Variants in CCSER1 observed in about 807,000 individuals in gnomAD.
CCSER1 encodes serine-rich coiled-coil domain-containing protein 1.
A neutral mutation model predicts 82.0 loss-of-function variants in CCSER1; 41 were observed. The ratio of observed to expected loss-of-function variants is 0.50; its 90% CI spans 0.39 to 0.65. The LOEUF (loss-of-function observed/expected upper bound fraction) is 0.65, where lower values mean the gene tolerates loss of function less well. Ranked by LOEUF, CCSER1 falls within the 30% of genes least tolerant of loss-of-function variation. The pLI, the probability that CCSER1 is intolerant of heterozygous loss-of-function variation, is 0.00. For missense variants in CCSER1, 1,119 were observed against 1,064.2 expected, an observed-to-expected ratio of 1.05 and a Z score of -0.72; for synonymous variants, 414 against 383.9, an observed-to-expected ratio of 1.08 and a Z score of -0.92.
chr4:91,332,726 G>C (rs1342609945), intron 10 of CCSER1, among the ~76,000 whole-genome samples: 1 of 151,972 alleles, frequency 6.6e-6, no homozygotes. Context: ...TCTGTGGAAC[G>C]TAAGGAGCTT....
intron 4 of CCSER1, among the ~76,000 whole-genome samples, chr4:90,444,531 A>G (rs1760359849): frequency 6.6e-6 from 1 of 152,018 alleles, no homozygotes; most frequent in Non-Finnish European, 1.5e-5. Context: ...CCAGTATATG[A>G]TAAGGATGCA....
chr4:90,560,214 A>G (rs1778604715), intron 5 of CCSER1, among the ~76,000 whole-genome samples: 1 of 152,072 alleles, frequency 6.6e-6, no homozygotes, highest in African/African-American at 2.4e-5. Context: ...TCTTTCGGAA[A>G]ACCAAGCGGC....
intron 5 of CCSER1, among the ~76,000 whole-genome samples, chr4:90,614,458 G>A (rs949431702): frequency 2.6e-5 from 4 of 152,194 alleles, no homozygotes; most frequent in East Asian, 1.9e-4. Context: ...AAACAGCCAC[G>A]TTGTGGATGC....
At chr4:90,915,414 C>A (rs1052496763) in intron 8 of CCSER1, among the ~76,000 whole-genome samples, 1 of 152,114 alleles carries the variant, frequency 6.6e-6, no homozygotes, top group Non-Finnish European at 1.5e-5. Context: ...AGACAAAAAC[C>A]ACATGATTAT....
At chr4:91,329,548 G>A (rs900714895) in intron 10 of CCSER1, among the ~76,000 whole-genome samples, 1 of 152,106 alleles carries the variant, frequency 6.6e-6, no homozygotes, top group African/African-American at 2.4e-5. Flanking sequence ...TCACAGTTTT[G>A]GAGAACGAAA....
chr4:91,265,555 A>G (rs1741508356), intron 10 of CCSER1, among the ~76,000 whole-genome samples: 1 of 152,190 alleles, frequency 6.6e-6, no homozygotes, highest in South Asian at 2.1e-4. Flanking sequence ...TTCAAATGCC[A>G]GTTGTATTCT....
At chr4:91,271,704 T>C (rs1243708635) in intron 10 of CCSER1, among the ~76,000 whole-genome samples, 1 of 151,784 alleles carries the variant, frequency 6.6e-6, no homozygotes, top group African/African-American at 2.4e-5. Context: ...ATATATGATA[T>C]ACATATATAC....
intron 1 of CCSER1, among the ~76,000 whole-genome samples, chr4:90,288,562 G>C (rs1452182312): frequency 1.3e-5 from 2 of 151,898 alleles, no homozygotes; most frequent in East Asian, 3.9e-4. Flanking sequence ...TCTGTGCCTG[G>C]AGGAGAATAT....
intron 9 of CCSER1, among the ~76,000 whole-genome samples, chr4:90,968,138 T>C (rs1159693613): frequency 4.0e-5 from 6 of 150,278 alleles, no homozygotes; most frequent in Non-Finnish European, 8.9e-5. Flanking sequence ...TATTTAAGAG[T>C]AGAAAAAAGA....
At chr4:91,374,038 CAG>C (rs1051716110) in intron 10 of CCSER1, among the ~76,000 whole-genome samples, 36 of 152,018 alleles carry the variant, frequency 2.4e-4, no homozygotes, top group African/African-American at 8.2e-4. Flanking sequence ...GAAGAAGTCA[CAG>C]AGAAAAGTTT....
chr4:90,978,565 C>T (rs1482374077), intron 9 of CCSER1, among the ~76,000 whole-genome samples: 1 of 150,654 alleles, frequency 6.6e-6, no homozygotes, highest in East Asian at 1.9e-4. Context: ...TGTTGAATGT[C>T]CTCACATAGC....
chr4:91,014,991 T>G (rs569351780), intron 9 of CCSER1, among the ~76,000 whole-genome samples: 2 of 119,972 alleles, frequency 1.7e-5, no homozygotes, highest in South Asian at 2.6e-4. Context: ...TTGTTTTTTT[T>G]TAAGGAAAAA....
intron 5 of CCSER1, among the ~76,000 whole-genome samples, chr4:90,549,229 A>C (rs2153639668): frequency 6.6e-6 from 1 of 152,320 alleles, no homozygotes; most frequent in Admixed American, 6.5e-5. Flanking sequence ...ACCCATTAAT[A>C]ACCTGTATCA....
intron 5 of CCSER1, among the ~76,000 whole-genome samples, chr4:90,622,492 C>T (rs1005806104): frequency 6.6e-6 from 1 of 152,124 alleles, no homozygotes; most frequent in Non-Finnish European, 1.5e-5. Flanking sequence ...TTATTCAATT[C>T]CCACCTATGA....
chr4:90,745,958 C>G (rs571148757), intron 7 of CCSER1, among the ~76,000 whole-genome samples: 1 of 152,096 alleles, frequency 6.6e-6, no homozygotes, highest in East Asian at 1.9e-4. Context: ...CCTCGGCCTC[C>G]CAAAGTGCTG....
chr4:91,428,816 C>T (rs188692434), intron 10 of CCSER1, among the ~76,000 whole-genome samples: 1 of 152,036 alleles, frequency 6.6e-6, no homozygotes, highest in Admixed American at 6.5e-5. Context: ...GAAATTCAAT[C>T]GAATGAAAAG....
chr4:90,646,852 T>C (rs565505019), intron 6 of CCSER1, among the ~76,000 whole-genome samples: 1 of 152,292 alleles, frequency 6.6e-6, no homozygotes, highest in South Asian at 2.1e-4. Flanking sequence ...TGGCTTGTTT[T>C]GCCAGACAGA....
intron 10 of CCSER1, among the ~76,000 whole-genome samples, chr4:91,572,637 A>G (rs1434604574): frequency 1.3e-5 from 2 of 151,994 alleles, no homozygotes; most frequent in African/African-American, 4.8e-5. Flanking sequence ...GGTCCCACAC[A>G]GTGAGAAGTG....
At chr4:90,413,984 ATATATATATATAT>A (rs1755407688) in intron 4 of CCSER1, among the ~76,000 whole-genome samples, 1 of 58,572 alleles carries the variant, frequency 1.7e-5, no homozygotes, top group African/African-American at 7.9e-5. Flanking sequence ...AAAAAAAAAT[ATATATATATATAT>A]ATATATATAT....
Sources: gnomAD v4.1 joint callset for allele counts (sites outside exome capture counted in the v4.1 genomes callset) on GRCh38, gnomAD v4.1.1 for gene constraint, MANE v1.5 for transcripts, NCBI Gene and HGNC (gene_info 2026-07-23, HGNC 2026-07-21) for gene names.